PRIM2: variants seen among roughly 807,000 people sequenced by gnomAD.
The protein encoded by PRIM2 is DNA primase large subunit.
Under a neutral mutation model 67.3 loss-of-function variants are expected in PRIM2, and 39 were observed. That is an observed-to-expected ratio of 0.58 (90% CI 0.45 to 0.76). PRIM2 has a LOEUF of 0.76. Among genes scored for constraint, PRIM2 ranks in the 30% least tolerant of loss-of-function variants. The pLI, the probability that PRIM2 is intolerant of heterozygous loss-of-function variation, is 0.00. For synonymous variants in PRIM2, 143 were observed against 198.7 expected (o/e 0.72, Z 2.36); for missense variants, 398 against 598.7 (o/e 0.66, Z 3.50).
chr6:57,391,698 C>T (rs1246925011), intron 7 of PRIM2, among the ~76,000 whole-genome samples: 4 of 152,020 alleles, frequency 2.6e-5, no homozygotes, highest in Non-Finnish European at 4.4e-5. Flanking sequence ...TTGCTGGGCT[C>T]TCTGTTCTGT....
At chr6:57,290,065 T>C in the PRIM2 span, among the ~76,000 whole-genome samples, 1 of 149,416 alleles carries the variant, frequency 6.7e-6, no homozygotes, top group Admixed American at 6.7e-5. Context: ...CCGTCTCACA[T>C]GCAAACACAC....
chr6:57,596,011 C>T (rs1195289598), intron 10 of PRIM2, among the ~76,000 whole-genome samples: 12 of 151,950 alleles, frequency 7.9e-5, no homozygotes, highest in Non-Finnish European at 1.8e-4. Context: ...CTCATTAGAA[C>T]AAAAGACATT....
chr6:57,270,149 T>A, the PRIM2 span, among the ~76,000 whole-genome samples: 1 of 151,976 alleles, frequency 6.6e-6, no homozygotes, highest in Non-Finnish European at 1.5e-5. Context: ...TTAAAGTAGT[T>A]TTTTCCAATT....
At chr6:57,435,619 C>T (rs566977427) in intron 7 of PRIM2, among the ~76,000 whole-genome samples, 2 of 152,348 alleles carry the variant, frequency 1.3e-5, no homozygotes, top group Non-Finnish European at 2.9e-5. Flanking sequence ...AGCCTCAGTT[C>T]TCTTTCTGCT....
At chr6:57,582,641 C>G (rs1401482213) in intron 10 of PRIM2, among the ~76,000 whole-genome samples, 1 of 151,944 alleles carries the variant, frequency 6.6e-6, no homozygotes, top group African/African-American at 2.4e-5. Context: ...TTTGTTTAAC[C>G]GTGGTTCAGT....
At chr6:57,565,236 A>G (rs1156292381) in intron 10 of PRIM2, among the ~76,000 whole-genome samples, 2 of 150,592 alleles carry the variant, frequency 1.3e-5, no homozygotes, top group Admixed American at 1.3e-4. Flanking sequence ...ATCTGTCATC[A>G]TACTAAACAG....
the PRIM2 span, among the ~76,000 whole-genome samples, chr6:57,264,513 C>T: frequency 1.3e-5 from 2 of 151,242 alleles, no homozygotes; most frequent in African/African-American, 4.9e-5. Context: ...ATCATTTTAT[C>T]ATTGAATACA....
chr6:57,498,681 T>A (rs1273569933), intron 7 of PRIM2, among the ~76,000 whole-genome samples: 11 of 152,270 alleles, frequency 7.2e-5, no homozygotes, highest in African/African-American at 2.4e-4. Flanking sequence ...TGAGCAATAT[T>A]TTCCAAGTGA....
intron 5 of PRIM2, among the ~76,000 whole-genome samples, chr6:57,340,586 C>T (rs1315376306): frequency 6.6e-6 from 1 of 152,078 alleles, no homozygotes; most frequent in Non-Finnish European, 1.5e-5. Flanking sequence ...AATCATCATT[C>T]TCAGTAAACT....
intron 7 of PRIM2, among the ~76,000 whole-genome samples, chr6:57,484,966 C>T (rs1339755473): frequency 6.6e-6 from 1 of 152,142 alleles, no homozygotes; most frequent in Non-Finnish European, 1.5e-5. Context: ...TCCTTAGCAT[C>T]TAGAATAGTG....
chr6:57,377,944 G>A (rs1769823769), intron 5 of PRIM2, among the ~76,000 whole-genome samples: 1 of 151,952 alleles, frequency 6.6e-6, no homozygotes, highest in South Asian at 2.1e-4. Flanking sequence ...AGGGCTCAAC[G>A]GGCTCAGAAA....
the PRIM2 span, among the ~76,000 whole-genome samples, chr6:57,298,518 G>A: frequency 6.6e-6 from 1 of 152,082 alleles, no homozygotes; most frequent in African/African-American, 2.4e-5. Flanking sequence ...GGGCCTTCGG[G>A]GGATGGCCCT....
At chr6:57,291,561 C>G in the PRIM2 span, among the ~76,000 whole-genome samples, 1 of 152,112 alleles carries the variant, frequency 6.6e-6, no homozygotes, top group Non-Finnish European at 1.5e-5. Context: ...AATTTCAGGC[C>G]AATATCCCTG....
At chr6:57,230,552 T>G in the PRIM2 span, among the ~76,000 whole-genome samples, 1 of 152,242 alleles carries the variant, frequency 6.6e-6, no homozygotes, top group African/African-American at 2.4e-5. Context: ...TTAGCATCGT[T>G]ACAGGAACAG....
At chr6:57,352,729 G>GT (rs34478755) in intron 5 of PRIM2, among the ~76,000 whole-genome samples, 62,264 of 150,916 alleles carry the variant, frequency 0.41, 13,564 homozygotes, top group South Asian at 0.56. Flanking sequence ...CCGTTTTTTA[G>GT]TTTTTTTTTC....
chr6:57,457,447 T>G (rs1772836692), intron 7 of PRIM2, among the ~76,000 whole-genome samples: 1 of 152,190 alleles, frequency 6.6e-6, no homozygotes, highest in Non-Finnish European at 1.5e-5. Flanking sequence ...CAGATGGAGC[T>G]TCCTGACCCC....
chr6:57,332,841 T>G (rs192807317), intron 5 of PRIM2, among the ~76,000 whole-genome samples: 5 of 152,238 alleles, frequency 3.3e-5, no homozygotes, highest in Non-Finnish European at 5.9e-5. Flanking sequence ...GTCTCTGACT[T>G]TTGCATGGAT....
intron 7 of PRIM2, among the ~76,000 whole-genome samples, chr6:57,506,866 C>T (rs1333773238): frequency 3.9e-5 from 6 of 152,008 alleles, no homozygotes; most frequent in Admixed American, 2.6e-4. Context: ...TGAGTTGCTT[C>T]TGTATACTTA....
intron 8 of PRIM2, among the ~76,000 whole-genome samples, chr6:57,525,871 G>A (rs1339678513): frequency 6.6e-6 from 1 of 152,178 alleles, no homozygotes; most frequent in Non-Finnish European, 1.5e-5. Flanking sequence ...GGTCACAAAG[G>A]TGCTTAATAA....
Sources: allele counts gnomAD v4.1 joint callset (sites outside exome capture counted in the v4.1 genomes callset), GRCh38; gene constraint gnomAD v4.1.1; transcripts MANE v1.5; gene names NCBI Gene and HGNC (gene_info 2026-07-23, HGNC 2026-07-21).